GABRE: variants seen among roughly 807,000 people sequenced by gnomAD.
The protein encoded by GABRE is gamma-aminobutyric acid type A receptor subunit epsilon.
Under a neutral mutation model 31.0 loss-of-function variants are expected in GABRE, and 20 were observed. That is an observed-to-expected ratio of 0.64 (90% CI 0.45 to 0.94). The LOEUF is 0.94. Ranked by LOEUF, GABRE falls within the 40% of genes least tolerant of loss-of-function variation. GABRE has a pLI of 0.00. For synonymous variants in GABRE, 155 were observed against 150.6 expected (o/e 1.03, Z -0.21); for missense variants, 420 against 410.7 (o/e 1.02, Z -0.20).
Position 151,954,768 on chromosome X carries a change from C to G in GABRE, c.1454G>C (p.Arg485Thr). 1 of 1,211,418 alleles carries G rather than the reference C, an allele frequency of 8.3e-7. No homozygotes were observed. Among genetic ancestry groups the G allele is most frequent in the Non-Finnish European group, 1.1e-6 (1 of 895,380 alleles). The change falls in exon 9 of 9, where the codon AGA becomes ACA. Residue 485 changes from arginine to threonine, a missense_variant. Arg to Thr is a moderately conservative substitution (Grantham distance 71, BLOSUM62 -1). Coordinates refer to ENST00000370328, the MANE Select transcript of GABRE (RefSeq NM_004961.4). ...GAAGAAAGTCACTGGGAAAACAACT[C>G]TCGAGTAGTTATCCAGGCGGTAGAC... ...IHVYRLDNYSRVVFPVTFFFF... is the reference protein window; with the variant it reads ...IHVYRLDNYSTVVFPVTFFFF...
chrX:151,955,239 C>T lies in GABRE; in HGVS notation c.1137+129G>A, dbSNP rs1265436777. ...CATTACATCAGGAAGTTGATTCAAC[C>T]CCGCCACCACCCTGGGTAACATTCC... On this transcript the variant is annotated intron_variant, in intron 8 of 8. Coordinates refer to ENST00000370328, the MANE Select transcript of GABRE (RefSeq NM_004961.4). 2.5e-6 allele frequency: 3 copies of T among 1,186,396 alleles called. No individual in the cohort carries two copies. In the East Asian group the frequency reaches 9.2e-5, roughly 37 times the overall value.
chrX:151,972,118 C>T, intron 1 of GABRE: 4 of 752,318 alleles, frequency 5.3e-6, no homozygotes, highest in Non-Finnish European at 6.3e-6. Flanking sequence ...TGGCATGACC[C>T]CTGTATTGCG....
rs1941049337 is a variant in GABRE at position 151,972,851 on chromosome X, A to C, written c.56+1719T>G. ...CACTTTCGGGGCTAGACAGAATAAA[A>C]ACTTGAAAAACACTCACACATTGGA... On this transcript the variant is annotated intron_variant, in intron 1 of 8. Transcript: ENST00000370328. 2.9e-5 allele frequency among the ~76,000 whole-genome samples: 3 copies of C among 103,234 alleles called. No homozygotes were observed. In the South Asian group the frequency reaches 1.2e-3, roughly 43 times the overall value. The allele number at this position is 103,234 out of a possible 115,157, so 89.6% of individuals were successfully genotyped here.
intron 3 of GABRE, among the ~76,000 whole-genome samples, chrX:151,964,927 C>T (rs1213114479): frequency 1.8e-5 from 2 of 111,525 alleles, no homozygotes; most frequent in African/African-American, 3.3e-5. Flanking sequence ...TCTGGGAGGG[C>T]GGATCACGAA....
intron 6 of GABRE, 153 bp from the exon 7 acceptor site, chrX:151,956,013 A>T: frequency 7.3e-6 from 4 of 547,898 alleles, no homozygotes; most frequent in Non-Finnish European, 1.2e-5. Flanking sequence ...ATAGGACCAG[A>T]AGAAGCCCAG....
intron 3 of GABRE, among the ~76,000 whole-genome samples, chrX:151,968,628 G>A (rs1158673846): frequency 9.0e-6 from 1 of 111,719 alleles, no homozygotes; most frequent in Admixed American, 9.5e-5. Flanking sequence ...TTTGCCCCGG[G>A]CCAAGCCATG....
At position 151,962,459 on chromosome X, in the gene GABRE, C is replaced by A. The variant is rs372300382; in HGVS notation, c.527G>T (p.Arg176Leu). Reference protein sequence around the residue: ...HEITMPNQMVRIYKDGKVLYT... With the variant: ...HEITMPNQMVLIYKDGKVLYT... ...CAACACCTTGCCATCCTTGTAGATGCGGACCATCTGGTTGGGCATGGTGAT... is the reference window on the plus strand; with the variant it reads ...CAACACCTTGCCATCCTTGTAGATGAGGACCATCTGGTTGGGCATGGTGAT... Residue 176 changes from arginine (R) to leucine (L), a missense_variant, in exon 4 of 9, where the codon CGC (arginine) becomes CTC (leucine). Coordinates refer to ENST00000370328, the MANE Select transcript of GABRE (RefSeq NM_004961.4). 2 of 1,210,670 alleles carry A rather than the reference C, an allele frequency of 1.7e-6. No individual in the cohort carries two copies. The highest frequency in any genetic ancestry group is 1.1e-6 in the Non-Finnish European group (1 of 894,954).
intron 6 of GABRE, chrX:151,958,634 G>A (rs1222660556): frequency 5.3e-6 from 2 of 378,845 alleles, no homozygotes; most frequent in South Asian, 4.9e-5. Flanking sequence ...TCTACTAAAC[G>A]GAACCACTAG....
intron 3 of GABRE, among the ~76,000 whole-genome samples, chrX:151,964,766 A>G (rs1280499152): frequency 8.9e-6 from 1 of 112,077 alleles, no homozygotes; most frequent in Admixed American, 9.4e-5. Flanking sequence ...CCAGAATTAT[A>G]ATAAAAATGA....
At position 151,962,323 on chromosome X, in the gene GABRE, G is replaced by A. The variant is rs746506190; in HGVS notation, c.563+100C>T. ...AGGAAAGCTGGACAGGCCCTTAGAG[G>A]TATCATTCAGGATGAGATCTCTGCC... On this transcript the variant is annotated intron_variant, in intron 4 of 8. Transcript: ENST00000370328. 1.4e-5 allele frequency: 10 copies of A among 725,080 alleles called. No homozygotes were observed. In the African/African-American group the frequency reaches 1.9e-4, roughly 14 times the overall value. 59.8% of individuals were successfully genotyped at this position (725,080 alleles called of 1,213,427 possible).
At chrX:151,966,578 T>A (rs1934531241) in intron 3 of GABRE, among the ~76,000 whole-genome samples, 1 of 112,012 alleles carries the variant, frequency 8.9e-6, no homozygotes, top group Non-Finnish European at 1.9e-5. Context: ...CAGGCTGTCA[T>A]GAGGATCCAA....
chrX:151,958,399 T>C (rs942526923), intron 6 of GABRE: 13 of 260,469 alleles, frequency 5.0e-5, no homozygotes, highest in Admixed American at 1.6e-4. Flanking sequence ...AGGGCCCAAC[T>C]GGAAGAGTTT....
At chrX:151,957,347 G>A (rs1188238511) in intron 6 of GABRE, 2 of 270,292 alleles carry the variant, frequency 7.4e-6, no homozygotes, top group South Asian at 3.8e-5. Context: ...GCAAGGGAGC[G>A]ACCTGTTGTC....
intron 3 of GABRE, among the ~76,000 whole-genome samples, chrX:151,968,987 C>G (rs949637233): frequency 4.5e-5 from 5 of 112,175 alleles, no homozygotes; most frequent in Non-Finnish European, 9.4e-5. Flanking sequence ...AAAAAGAAGG[C>G]AGCTGACAAG....
At chrX:151,971,254 G>T (rs369161607) in intron 1 of GABRE, 1 of 343,271 alleles carries the variant, frequency 2.9e-6, no homozygotes. Context: ...ACACCGCTGT[G>T]GTCATATTCT....
At position 151,954,233 on chromosome X, in the gene GABRE, G is replaced by C. The variant is rs143629624; in HGVS notation, c.*468C>G. ...CTGCTGCCCAGCATCTTAATGAGGT[G>C]CCAGGTATAGGCAAGCAACTAGTCG... On this transcript the variant is annotated 3_prime_UTR_variant, in exon 9 of 9. Transcript: ENST00000370328. 7.6e-3 allele frequency: 886 copies of C among 116,909 alleles called. 10 individuals carry two copies. The highest frequency in any genetic ancestry group is 0.026 in the African/African-American group (817 of 31,113). 9.6% of individuals were successfully genotyped at this position (116,909 alleles called of 1,213,427 possible).
At chrX:151,958,620 A>G (rs188519172) in intron 6 of GABRE, 278 of 378,921 alleles carry the variant, frequency 7.3e-4, no homozygotes, top group African/African-American at 6.6e-3. Flanking sequence ...ACAATGCACA[A>G]TCATCTACTA....
intron 1 of GABRE, among the ~76,000 whole-genome samples, chrX:151,973,384 A>G (rs753935980): frequency 1.1e-4 from 12 of 111,279 alleles, no homozygotes; most frequent in African/African-American, 3.6e-4. Context: ...ATTTTGAGGG[A>G]TGTGGATGAC....
chrX:151,963,997 T>A (rs1027407024), intron 3 of GABRE, among the ~76,000 whole-genome samples: 1 of 112,089 alleles, frequency 8.9e-6, no homozygotes, highest in Non-Finnish European at 1.9e-5. Flanking sequence ...AAAAAAAGAT[T>A]AGAAAATATC....
Sources: gnomAD v4.1 joint callset for allele counts (sites outside exome capture counted in the v4.1 genomes callset) on GRCh38, gnomAD v4.1.1 for gene constraint, MANE v1.5 for transcripts, NCBI Gene and HGNC (gene_info 2026-07-23, HGNC 2026-07-21) for gene names.